VPS13C: variants seen among roughly 807,000 people sequenced by gnomAD.
VPS13C encodes intermembrane lipid transfer protein VPS13C.
VPS13C carries 358 observed loss-of-function variants against 456.8 expected under a neutral mutation model. The observed-to-expected ratio is 0.78, with a 90% CI of 0.72 to 0.86. The LOEUF is 0.86. Among genes scored for constraint, VPS13C ranks in the 40% least tolerant of loss-of-function variants. The pLI is 0.00. For synonymous variants in VPS13C, 1,578 were observed against 1,486.7 expected (o/e 1.06, Z -1.41); for missense variants, 4,818 against 4,385.4 (o/e 1.10, Z -2.79).
chr15:61,949,914 A>C (rs2044729796), intron 41 of VPS13C, among the ~76,000 whole-genome samples: 1 of 152,176 alleles, frequency 6.6e-6, no homozygotes, highest in Non-Finnish European at 1.5e-5. Context: ...CTGATTATGC[A>C]TGTTCAAATG....
chr15:61,897,920 A>G (rs1477823526), intron 66 of VPS13C, among the ~76,000 whole-genome samples: 2 of 152,230 alleles, frequency 1.3e-5, no homozygotes, highest in African/African-American at 4.8e-5. Context: ...GAAACCATAC[A>G]AGCCAGAAGA....
At position 61,890,375 on chromosome 15, in the gene VPS13C, T is replaced by C; in HGVS notation, c.9131A>G (p.Asp3044Gly). ...TACCCAGTGTATCTGGATGTTTGCA[T>C]CATATGGAAACTGTCCACATCCATC... Reference protein sequence around the residue: ...LKDGCGQFPYDANIQIHWVSF... With the variant: ...LKDGCGQFPYGANIQIHWVSF... Residue 3044 changes from aspartate (D) to glycine (G), a missense_variant, in exon 67 of 85, where the codon GAT becomes GGT. Asp to Gly is a moderately conservative substitution (Grantham distance 94). Around this residue, in one of 3 missense-constraint regions of VPS13C, gnomAD observed 4,552 missense variants for 4,130.6 expected, o/e 1.10. Coordinates refer to ENST00000644861, the MANE Select transcript of VPS13C (RefSeq NM_020821.3). 1.9e-6 allele frequency: 3 copies of C among 1,614,050 alleles called. No homozygotes were observed. The highest frequency in any genetic ancestry group is 1.7e-6 in the Non-Finnish European group (2 of 1,180,004).
At position 61,984,068 on chromosome 15, in the gene VPS13C, G is replaced by T. The variant is rs1040239556; in HGVS notation, c.1722-56C>A. 4.7e-6 allele frequency: 7 copies of T among 1,503,450 alleles called. No homozygotes were observed. The Admixed American group carries it at 9.8e-5, about 21-fold the overall frequency. 93.1% of individuals were successfully genotyped at this position (1,503,450 alleles called of 1,614,324 possible). The stretch of plus-strand genomic sequence containing the variant: ...CAGACAAGGTCTTTTGTAATCTAAT[G>T]GACTAAAATACAAATTTCCTTTTAA... On this transcript the variant is annotated intron_variant, in intron 19 of 84. Transcript: ENST00000644861.
chr15:62,048,061 G>A (rs1596533127), intron 1 of VPS13C, among the ~76,000 whole-genome samples: 2 of 142,738 alleles, frequency 1.4e-5, no homozygotes, highest in South Asian at 4.4e-4. Context: ...TTTGTTTTTG[G>A]TTTTTTGGTT....
chr15:61,985,004 A>T lies in VPS13C; in HGVS notation c.1579-5T>A, dbSNP rs1298713739. On this transcript the variant is annotated splice_region_variant and splice_polypyrimidine_tract_variant and intron_variant, in intron 18 of 84. Transcript: ENST00000644861. ...GGTCATAATATGGGCAACATACTAT[A>T]CAGAAAGAATGAAATTAAAATTGTT... 1 of 1,429,062 alleles carries T rather than the reference A, an allele frequency of 7.0e-7. No individual in the cohort carries two copies. Among genetic ancestry groups the T allele is most frequent in the Admixed American group, 2.5e-5 (1 of 39,264 alleles). The allele number at this position is 1,429,062 out of a possible 1,614,324, so 88.5% of individuals were successfully genotyped here.
chr15:62,043,336 G>A (rs1395410796), intron 2 of VPS13C, among the ~76,000 whole-genome samples: 2 of 152,190 alleles, frequency 1.3e-5, no homozygotes, highest in African/African-American at 4.8e-5. Flanking sequence ...TGGGCGCAGT[G>A]GCTCCATGCC....
intron 47 of VPS13C, among the ~76,000 whole-genome samples, chr15:61,939,333 C>A (rs939808959): frequency 6.6e-6 from 1 of 152,160 alleles, no homozygotes; most frequent in Non-Finnish European, 1.5e-5. Context: ...AATGCCCAAA[C>A]AAACAAAATT....
chr15:62,037,427 T>C (rs577085337), intron 3 of VPS13C, among the ~76,000 whole-genome samples: 1,163 of 68,530 alleles, frequency 0.017, 36 homozygotes, highest in African/African-American at 0.047. Context: ...ATGTTATATA[T>C]AAATATAATA....
intron 3 of VPS13C, among the ~76,000 whole-genome samples, chr15:62,039,231 T>C (rs368487989): frequency 1.3e-4 from 20 of 152,226 alleles, no homozygotes; most frequent in East Asian, 7.7e-4. Flanking sequence ...GATACATATA[T>C]ACCATGCAAT....
Position 61,909,104 on chromosome 15 carries a change from C to A in VPS13C, c.8866G>T (p.Val2956Leu), listed in dbSNP as rs1484154274. 5.0e-6 allele frequency: 8 copies of A among 1,612,866 alleles called. No individual in the cohort carries two copies. The highest frequency in any genetic ancestry group is 6.8e-6 in the Non-Finnish European group (8 of 1,179,758). Residue 2956 changes from valine to leucine, a missense_variant, in exon 65 of 85, where the codon GTA (valine) becomes TTA (leucine). Val to Leu is a conservative substitution (Grantham distance 32). Coordinates refer to ENST00000644861, the MANE Select transcript of VPS13C (RefSeq NM_020821.3). ...EDLNGGILVD[V>L]NTAEHSTVIT... ...ACAGTTGAATGTTCGGCAGTGTTTA[C>A]ATCCACCAAGATACCCCCATTCTAT...
chr15:62,008,519 C>T lies in VPS13C; in HGVS notation c.1118+136G>A, dbSNP rs77276469. The stretch of plus-strand genomic sequence containing the variant: ...TTTTATAAGTAATCAATATATTTAC[C>T]ATTTGTCTTTTAATACTCTTGTCTC... On this transcript the variant is annotated intron_variant, in intron 14 of 84. Transcript: ENST00000644861. 2,095 of 481,336 alleles carry T rather than the reference C, an allele frequency of 4.4e-3. 47 individuals carry two copies. The highest frequency in any genetic ancestry group is 0.038 in the African/African-American group (1,926 of 50,136). The allele number at this position is 481,336 out of a possible 1,614,324, so 29.8% of individuals were successfully genotyped here.
At position 61,973,449 on chromosome 15, in the gene VPS13C, C is replaced by T; in HGVS notation, c.2617+5G>A. 1 of 1,606,418 alleles carries T rather than the reference C, an allele frequency of 6.2e-7. No individual in the cohort carries two copies. The highest frequency in any genetic ancestry group is 1.3e-5 in the African/African-American group (1 of 74,858). The stretch of plus-strand genomic sequence containing the variant: ...AATAGAGAAAGAGTATTTTACTTTC[C>T]TTACCTGATTCCACAGTGTCTAGCA... On this transcript the variant is annotated splice_donor_5th_base_variant and intron_variant, in intron 26 of 84. Coordinates refer to ENST00000644861, the MANE Select transcript of VPS13C (RefSeq NM_020821.3).
chr15:61,975,969 C>T (rs967086488), intron 24 of VPS13C, among the ~76,000 whole-genome samples: 1 of 151,874 alleles, frequency 6.6e-6, no homozygotes, highest in Non-Finnish European at 1.5e-5. Flanking sequence ...CAGATAGGAC[C>T]CAAGTCTAAA....
chr15:61,915,902 G>A lies in VPS13C; in HGVS notation c.8176C>T (p.His2726Tyr). ...VKYQGKNWNG[H>Y]FRIRDTLPEF... ...GGTAGTGTATCACGTATGCGGAAAT[G>A]TCCATTCCAGTTTTTGCCCTGGTAT... The change falls in exon 61 of 85, where the codon CAT (histidine) becomes TAT (tyrosine). Residue 2726 changes from histidine to tyrosine, a missense_variant. This residue lies in a region of VPS13C where 4,552 missense variants were observed against 4,130.6 expected (regional missense o/e 1.10). Transcript: ENST00000644861. 6.2e-7 allele frequency: 1 copy of A among 1,613,892 alleles called. No individual in the cohort carries two copies. Among genetic ancestry groups the A allele is most frequent in the Non-Finnish European group, 8.5e-7 (1 of 1,179,990 alleles).
At position 61,915,665 on chromosome 15, in the gene VPS13C, A is replaced by G; in HGVS notation, c.8413T>C (p.Phe2805Leu). 6.2e-7 allele frequency: 1 copy of G among 1,601,580 alleles called. No individual in the cohort carries two copies. The highest frequency in any genetic ancestry group is 1.7e-4 in the Middle Eastern group (1 of 5,936). Residue 2805 changes from phenylalanine to leucine, a missense_variant, in exon 61 of 85, where the codon TTC (phenylalanine) becomes CTC (leucine). Transcript: ENST00000644861. The part of the protein sequence containing the change: ...ADFRDIILFS[F>L]KKKNIFTKNK... The stretch of plus-strand genomic sequence containing the variant: ...TTAGTAAAAATGTTCTTCTTCTTGA[A>G]AGAAAATAAAATAATATCCCTGAAA...
chr15:61,856,333 C>A lies in VPS13C; in HGVS notation c.11029G>T (p.Val3677Leu). 1 of 1,613,240 alleles carries A rather than the reference C, an allele frequency of 6.2e-7. No homozygotes were observed. The highest frequency in any genetic ancestry group is 8.5e-7 in the Non-Finnish European group (1 of 1,179,550). The change falls in exon 83 of 85, where the codon GTA becomes TTA. Residue 3677 changes from valine (V) to leucine (L), a missense_variant. Val to Leu is a conservative substitution (Grantham distance 32). Transcript: ENST00000644861. ...VDWQCPFEDF[V>L]FPPSVSENVL... is the part of the protein sequence containing the mutation. ...TTTTCACTGACACTAGGAGGAAATA[C>A]AAAATCTTCAAATGGACATTGCCAG...
chr15:61,872,159 C>CT (rs1895082438), intron 78 of VPS13C, 125 bp from the exon 79 acceptor site: 3 of 701,382 alleles, frequency 4.3e-6, no homozygotes, highest in Non-Finnish European at 7.1e-6. Context: ...GAAGACTTAA[C>CT]TTGATAATGT....
At chr15:62,057,924 G>T (rs1441022781) in intron 1 of VPS13C, among the ~76,000 whole-genome samples, 1 of 152,152 alleles carries the variant, frequency 6.6e-6, no homozygotes, top group Non-Finnish European at 1.5e-5. Context: ...AAAGATAAAA[G>T]AGAGTAACAT....
chr15:61,950,255 T>A, intron 41 of VPS13C, 103 bp downstream of exon 41: 1 of 807,366 alleles, frequency 1.2e-6, no homozygotes, highest in Non-Finnish European at 2.1e-6. Context: ...TTATTGCCAC[T>A]GTTATTCTCA....
Sources: allele counts gnomAD v4.1 joint callset (sites outside exome capture counted in the v4.1 genomes callset), GRCh38; gene constraint gnomAD v4.1.1; regional missense constraint gnomAD v4.1.1; transcripts MANE v1.5; gene names NCBI Gene and HGNC (gene_info 2026-07-23, HGNC 2026-07-21).